MYRIP: variants seen among roughly 807,000 people sequenced by gnomAD.
MYRIP encodes myosin VIIA and Rab interacting protein.
MYRIP carries 49 observed loss-of-function variants against 98.0 expected under a neutral mutation model. That is an observed-to-expected ratio of 0.50 (90% confidence interval 0.40 to 0.63). The LOEUF is 0.63. Ranked by LOEUF, MYRIP falls within the 30% of genes least tolerant of loss-of-function variation. The probability of loss-of-function intolerance (pLI) is 0.00; values close to 1 mark genes in which losing one functional copy is unlikely to be tolerated. For missense variants in MYRIP, 1,004 were observed against 1,058.2 expected, an observed-to-expected ratio of 0.95 and a Z score of 0.71; for synonymous variants, 404 against 409.5, an observed-to-expected ratio of 0.99 and a Z score of 0.16.
intron 9 of MYRIP, among the ~76,000 whole-genome samples, chr3:40,183,956 T>C (rs532106699): frequency 6.6e-6 from 1 of 152,364 alleles, no homozygotes; most frequent in South Asian, 2.1e-4. Flanking sequence ...ACTGTCATTC[T>C]AAAGATTTAC....
intron 2 of MYRIP, among the ~76,000 whole-genome samples, chr3:39,919,712 G>C (rs1575379462): frequency 6.7e-6 from 1 of 149,060 alleles, no homozygotes; most frequent in South Asian, 2.1e-4. Context: ...GTGTGTGTGT[G>C]TGTGTGTGTG....
intron 1 of MYRIP, among the ~76,000 whole-genome samples, chr3:39,871,343 C>T (rs1942782613): frequency 6.6e-6 from 1 of 152,124 alleles, no homozygotes; most frequent in African/African-American, 2.4e-5. Context: ...GATTTGAGTT[C>T]AACTTTGAAA....
intron 3 of MYRIP, among the ~76,000 whole-genome samples, chr3:40,148,104 A>G (rs764239055): frequency 6.6e-6 from 1 of 152,198 alleles, no homozygotes; most frequent in Non-Finnish European, 1.5e-5. Context: ...TCTATGCTCT[A>G]CTGTCTTCTA....
intron 2 of MYRIP, among the ~76,000 whole-genome samples, chr3:39,946,007 G>C (rs1944892095): frequency 9.2e-6 from 1 of 108,790 alleles, no homozygotes; most frequent in Non-Finnish European, 1.8e-5. Context: ...GCAGGTAATG[G>C]CCAAAAAAAA....
intron 2 of MYRIP, among the ~76,000 whole-genome samples, chr3:39,981,986 G>A (rs571730731): frequency 1.5e-3 from 232 of 152,222 alleles, no homozygotes; most frequent in Admixed American, 3.6e-3. Context: ...CCTAAAAGAG[G>A]AAGTGGACCT....
chr3:40,245,092 T>C (rs1215259720), intron 13 of MYRIP, among the ~76,000 whole-genome samples: 1 of 152,104 alleles, frequency 6.6e-6, no homozygotes, highest in Non-Finnish European at 1.5e-5. Flanking sequence ...ACAATAAAAA[T>C]GGGGTGAACA....
chr3:40,181,763 T>C (rs958444467), intron 8 of MYRIP, among the ~76,000 whole-genome samples: 1 of 152,198 alleles, frequency 6.6e-6, no homozygotes, highest in Non-Finnish European at 1.5e-5. Context: ...TAGAGTTTGT[T>C]TTCCTTCCTT....
chr3:39,905,772 G>A (rs765593194), intron 2 of MYRIP, among the ~76,000 whole-genome samples: 2 of 152,122 alleles, frequency 1.3e-5, no homozygotes, highest in Non-Finnish European at 1.5e-5. Context: ...ATTGTTTACC[G>A]CTACCTCTCC....
At chr3:39,875,436 G>T (rs1376388131) in intron 1 of MYRIP, among the ~76,000 whole-genome samples, 3 of 151,184 alleles carry the variant, frequency 2.0e-5, no homozygotes, top group African/African-American at 7.3e-5. Flanking sequence ...TGATGTTAGG[G>T]TGTCAATTTT....
At chr3:40,092,206 C>A (rs1948746927) in intron 3 of MYRIP, among the ~76,000 whole-genome samples, 1 of 152,172 alleles carries the variant, frequency 6.6e-6, no homozygotes, top group Non-Finnish European at 1.5e-5. Flanking sequence ...GCTTTTGAAG[C>A]TGCCACTAAA....
At chr3:39,902,321 A>G (rs923920080) in intron 2 of MYRIP, among the ~76,000 whole-genome samples, 2 of 152,228 alleles carry the variant, frequency 1.3e-5, no homozygotes, top group African/African-American at 2.4e-5. Flanking sequence ...CACCAGAACA[A>G]TAGGAGAGTA....
At chr3:40,002,366 C>T (rs1946537182) in intron 2 of MYRIP, among the ~76,000 whole-genome samples, 1 of 152,058 alleles carries the variant, frequency 6.6e-6, no homozygotes, top group African/African-American at 2.4e-5. Context: ...GAAACCCCAT[C>T]TCTACTAAAA....
At chr3:39,897,929 A>C (rs1943654008) in intron 1 of MYRIP, among the ~76,000 whole-genome samples, 1 of 151,976 alleles carries the variant, frequency 6.6e-6, no homozygotes, top group African/African-American at 2.4e-5. Flanking sequence ...CAGAAACCAA[A>C]AGCCAGTGAA....
At chr3:40,191,049 T>C (rs1235477540) in intron 10 of MYRIP, among the ~76,000 whole-genome samples, 4 of 152,234 alleles carry the variant, frequency 2.6e-5, no homozygotes, top group Non-Finnish European at 4.4e-5. Context: ...TAGGTCTCAG[T>C]AAACATTATT....
rs561096244 is a variant in MYRIP, at chr3:40,050,474, G to T, written c.332+6203G>T. Among the ~76,000 whole-genome samples the T allele has an allele frequency of 3.1e-4, 47 of 151,742 alleles. 1 individual carries two copies. In the South Asian group the frequency reaches 9.0e-3, roughly 29 times the overall value. On this transcript the variant is annotated intron_variant, in intron 3 of 16. Coordinates refer to ENST00000302541, the MANE Select transcript of MYRIP (RefSeq NM_015460.4). Reference sequence around the variant, plus strand: ...GACCTACTGCTCAGAAAAAAAAAAAGATTCCTTTCAAAATATTATTGCTCA... The same window carrying T: ...GACCTACTGCTCAGAAAAAAAAAAATATTCCTTTCAAAATATTATTGCTCA...
intron 1 of MYRIP, among the ~76,000 whole-genome samples, chr3:39,838,742 G>T (rs1356667254): frequency 2.6e-5 from 4 of 152,062 alleles, no homozygotes; most frequent in Non-Finnish European, 4.4e-5. Flanking sequence ...TTAGGGAGGA[G>T]TCCCTCTTTT....
rs187946098 is a variant in MYRIP, at chr3:39,994,989, A to G, written c.111-49061A>G. Among the ~76,000 whole-genome samples the G allele has an allele frequency of 4.6e-5, 7 of 152,340 alleles. No individual in the cohort carries two copies. The East Asian group carries it at 1.2e-3, about 25-fold the overall frequency. On this transcript the variant is annotated intron_variant, in intron 2 of 16. Transcript: ENST00000302541. ...TGCAGCTGAGGGTCCTGACTGTTAGAAGGAAAACTAAAAAACAGAAAGGAC... is the reference window on the plus strand; with the variant it reads ...TGCAGCTGAGGGTCCTGACTGTTAGGAGGAAAACTAAAAAACAGAAAGGAC...
intron 2 of MYRIP, among the ~76,000 whole-genome samples, chr3:40,001,673 T>C (rs1946522420): frequency 6.6e-6 from 1 of 152,174 alleles, no homozygotes; most frequent in South Asian, 2.1e-4. Context: ...AGGCCATACA[T>C]TGCAAGGGTG....
At chr3:39,832,263 A>T (rs1042362662) in intron 1 of MYRIP, among the ~76,000 whole-genome samples, 1 of 152,234 alleles carries the variant, frequency 6.6e-6, no homozygotes, top group African/African-American at 2.4e-5. Context: ...TTCTTCTCCA[A>T]ATTTGTTAAA....
Sources: allele counts gnomAD v4.1 joint callset (sites outside exome capture counted in the v4.1 genomes callset), GRCh38; gene constraint gnomAD v4.1.1; transcripts MANE v1.5; gene names NCBI Gene and HGNC (gene_info 2026-07-23, HGNC 2026-07-21).